Variants in PHYKPL observed in about 807,000 individuals in gnomAD.
PHYKPL encodes the protein 5-phosphohydroxy-L-lysine phospho-lyase.
Under a neutral mutation model 51.3 loss-of-function variants are expected in PHYKPL, and 42 were observed. The observed-to-expected ratio is 0.82, with a 90% CI of 0.64 to 1.06. PHYKPL has a LOEUF of 1.06. PHYKPL is among the 50% of genes least tolerant of loss of function. The probability of loss-of-function intolerance (pLI) is 0.00; values close to 1 mark genes in which losing one functional copy is unlikely to be tolerated. For missense variants in PHYKPL, 655 were observed against 586.6 expected (o/e 1.12, Z -1.20); for synonymous variants, 264 against 236.0 (o/e 1.12, Z -1.09).
At chr5:178,230,904 C>CT (rs1307302417) in intron 2 of PHYKPL, 4 of 155,886 alleles carry the variant, frequency 2.6e-5, no homozygotes, top group African/African-American at 7.3e-5. Flanking sequence ...CCCAAGCAGT[C>CT]TAAGACTAGA....
intron 12 of PHYKPL, chr5:178,211,219 G>GT (rs1758252894): frequency 1.6e-5 from 2 of 122,716 alleles, no homozygotes; most frequent in African/African-American, 6.2e-5. Flanking sequence ...GTCGAGGGAG[G>GT]CGGGGGGGGG....
rs199708590 is a variant in PHYKPL, at chr5:178,230,036, T to C, written c.242A>G (p.Asn81Ser). Residue 81 changes from asparagine (N) to serine (S), a missense_variant, in exon 3 of 13, where the codon AAC (asparagine) becomes AGC (serine). Coordinates refer to ENST00000308158, the MANE Select transcript of PHYKPL (RefSeq NM_153373.4). ...AHEQNQVLNTNSRYLHDNIVD... is the reference protein window; with the variant it reads ...AHEQNQVLNTSSRYLHDNIVD... ...GATGTTGTCATGCAGGTACCGGCTG[T>C]TGGTGTTGAGCACCTGGTTCTGCTC... 1.9e-6 allele frequency: 3 copies of C among 1,613,544 alleles called. No homozygotes were observed. The highest frequency in any genetic ancestry group is 2.2e-5 in the South Asian group (2 of 91,086).
intron 3 of PHYKPL, among the ~76,000 whole-genome samples, chr5:178,227,717 A>G (rs1762569753): frequency 6.6e-6 from 1 of 152,198 alleles, no homozygotes; most frequent in Admixed American, 6.5e-5. Flanking sequence ...GAGAAAAGGG[A>G]CATAAGTCAG....
At chr5:178,212,190 C>T (rs1186456520) in intron 11 of PHYKPL, among the ~76,000 whole-genome samples, 3 of 152,248 alleles carry the variant, frequency 2.0e-5, no homozygotes, top group Non-Finnish European at 2.9e-5. Flanking sequence ...ATCCCTAAGC[C>T]TGTTCTGTGG....
chr5:178,219,002 T>C (rs1272859479), intron 8 of PHYKPL, among the ~76,000 whole-genome samples: 1 of 152,184 alleles, frequency 6.6e-6, no homozygotes, highest in Non-Finnish European at 1.5e-5. Context: ...TAGTATGACA[T>C]GCACAAAGGA....
In PHYKPL at chr5:178,213,049, C is replaced by G. The variant is rs777670861; in HGVS notation, c.1227G>C (p.Leu409=). Residue 409 remains leucine (L), a synonymous_variant, in exon 11 of 13, where the codon CTG becomes CTC. Coordinates refer to ENST00000308158, the MANE Select transcript of PHYKPL (RefSeq NM_153373.4). ...LSTDGPGRNI[L]KFKPPMCFSL... ...TGAAGCACATTGGGGGCTTAAACTT[C>G]AGGATGTTCCTCCCAGGGCCATCAG... 6.2e-7 allele frequency: 1 copy of G among 1,614,120 alleles called. No individual in the cohort carries two copies. Among genetic ancestry groups the G allele is most frequent in the East Asian group, 2.2e-5 (1 of 44,908 alleles).
At position 178,230,010 on chromosome 5, in the gene PHYKPL, C is replaced by T. The variant is rs756247782; in HGVS notation, c.268G>A (p.Val90Met). ...TNSRYLHDNI[V>M]DYAQRLSETL... Reference sequence around the variant, plus strand: ...TCTGACAGCCTCTGCGCATAGTCCACGATGTTGTCATGCAGGTACCGGCTG... The same window carrying T: ...TCTGACAGCCTCTGCGCATAGTCCATGATGTTGTCATGCAGGTACCGGCTG... Residue 90 changes from valine to methionine, a missense_variant, in exon 3 of 13, where the codon GTG becomes ATG. Val to Met is a conservative substitution (Grantham distance 21, BLOSUM62 1). Transcript: ENST00000308158. 14 of 1,614,100 alleles carry T rather than the reference C, an allele frequency of 8.7e-6. No individual in the cohort carries two copies. The African/African-American group carries it at 1.3e-4, about 15-fold the overall frequency.
In PHYKPL at chr5:178,209,429, G is replaced by C. The variant is rs1757477067; in HGVS notation, c.*32-514C>G. ...CAACCGAGGGAACCGAGGCAGCGGA[G>C]GTGGTGGTGGAGGTGGAGGTGAGTG... On this transcript the variant is annotated intron_variant, in intron 12 of 12. Coordinates refer to ENST00000308158, the MANE Select transcript of PHYKPL (RefSeq NM_153373.4). 1.2e-6 allele frequency: 2 copies of C among 1,613,866 alleles called. No individual in the cohort carries two copies. Among genetic ancestry groups the C allele is most frequent in the Admixed American group, 1.7e-5 (1 of 59,988 alleles).
chr5:178,224,509 G>A lies in PHYKPL; in HGVS notation c.557C>T (p.Ala186Val), dbSNP rs1761888782. 6.2e-7 allele frequency: 1 copy of A among 1,613,522 alleles called. No homozygotes were observed. The highest frequency in any genetic ancestry group is 1.3e-5 in the African/African-American group (1 of 74,954). ...TTTCACCTCGTTGGCATAGGCCATA[G>A]CTGGGTTGGGGTGGTCCTCCCGGTA... ...GPYREDHPNP[A>V]MAYANEVKRV... Residue 186 changes from alanine to valine, a missense_variant, in exon 6 of 13, where the codon GCT (alanine) becomes GTT (valine). Coordinates refer to ENST00000308158, the MANE Select transcript of PHYKPL (RefSeq NM_153373.4).
At chr5:178,221,123 T>A (rs1391369281) in intron 8 of PHYKPL, among the ~76,000 whole-genome samples, 1 of 152,198 alleles carries the variant, frequency 6.6e-6, no homozygotes. Context: ...GTTAACTGAA[T>A]AACTAGAAGA....
intron 8 of PHYKPL, 185 bp from the exon 9 acceptor site, chr5:178,215,615 T>C (rs1178226843): frequency 2.4e-5 from 15 of 636,552 alleles, no homozygotes; most frequent in Non-Finnish European, 3.9e-5. Flanking sequence ...TGTCCTGGCT[T>C]TCCAGGAGCT....
At chr5:178,210,314 C>A in intron 12 of PHYKPL, 1 of 1,613,250 alleles carries the variant, frequency 6.2e-7, no homozygotes, top group Non-Finnish European at 8.5e-7. Context: ...CACCCCTCGT[C>A]CCCAGGGGAG....
In PHYKPL at chr5:178,229,977, G is replaced by C; in HGVS notation, c.301C>G (p.Pro101Ala). The C allele has an allele frequency of 6.2e-7, 1 of 1,614,196 alleles. No individual in the cohort carries two copies. The highest frequency in any genetic ancestry group is 8.5e-7 in the Non-Finnish European group (1 of 1,180,030). The change falls in exon 3 of 13, where the codon CCG becomes GCG. Residue 101 changes from proline (P) to alanine (A), a missense_variant. Physicochemically the swap from Pro to Ala is conservative, Grantham distance 27. Transcript: ENST00000308158. ...AAATAGAACACACAGAGCTGCTCCG[G>C]CAGGGTCTCTGACAGCCTCTGCGCA... ...DYAQRLSETL[P>A]EQLCVFYFLN...
chr5:178,232,277 G>A, intron 1 of PHYKPL: 13 of 1,241,198 alleles, frequency 1.0e-5, no homozygotes, highest in Non-Finnish European at 1.3e-5. Flanking sequence ...TGTCGGGGAG[G>A]CGGCCCCGGA....
chr5:178,213,170 T>G, intron 10 of PHYKPL, 67 bp from the exon 11 acceptor site: 3 of 1,583,312 alleles, frequency 1.9e-6, no homozygotes, highest in African/African-American at 1.3e-5. Flanking sequence ...TGGCCTCATG[T>G]CCAGTGCTCC....
Position 178,222,275 on chromosome 5 carries a change from C to G in PHYKPL, c.927+80G>C, listed in dbSNP as rs190245979. On this transcript the variant is annotated intron_variant, in intron 8 of 12. Transcript: ENST00000308158. ...CTGGGCACAGTGCTAGCCCTGTAGC[C>G]TTTGCTGACTAAGGACAGGCTGATC... 1.6e-5 allele frequency: 21 copies of G among 1,302,672 alleles called. No individual in the cohort carries two copies. The East Asian group carries it at 4.0e-4, about 25-fold the overall frequency. The allele number at this position is 1,302,672 out of a possible 1,614,324, so 80.7% of individuals were successfully genotyped here.
chr5:178,223,946 C>T (rs1761737674), intron 6 of PHYKPL: 1 of 192,518 alleles, frequency 5.2e-6, no homozygotes, highest in South Asian at 9.1e-5. Flanking sequence ...CCACATAGCC[C>T]TGGAGTCAGA....
rs77979300 is a variant in PHYKPL, at chr5:178,214,428, A to C, written c.1172+368T>G. Reference sequence around the variant, plus strand: ...AGTGCTGCCACAGCTCCCTGGTATGAATAGAGAAGGTGTTTCCCTTCTCCA... The same window carrying C: ...AGTGCTGCCACAGCTCCCTGGTATGCATAGAGAAGGTGTTTCCCTTCTCCA... On this transcript the variant is annotated intron_variant, in intron 10 of 12. Transcript: ENST00000308158. 7.8e-3 allele frequency among the ~76,000 whole-genome samples: 1,186 copies of C among 152,274 alleles called. 19 individuals are homozygous for C. Among genetic ancestry groups the C allele is most frequent in the African/African-American group, 0.027 (1,136 of 41,546 alleles).
At position 178,222,768 on chromosome 5, in the gene PHYKPL, G is replaced by A. The variant is rs1366622289; in HGVS notation, c.701+84C>T. 61 of 1,493,414 alleles carry A rather than the reference G, an allele frequency of 4.1e-5. 1 individual carries two copies. The highest frequency in any genetic ancestry group is 5.5e-5 in the Non-Finnish European group (60 of 1,085,138). The allele number at this position is 1,493,414 out of a possible 1,614,324, so 92.5% of individuals were successfully genotyped here. A position where few individuals can be genotyped will look rare whatever the true frequency, so the allele number is the denominator to read the frequency against. On this transcript the variant is annotated intron_variant, in intron 7 of 12. Coordinates refer to ENST00000308158, the MANE Select transcript of PHYKPL (RefSeq NM_153373.4). ...CTCAAAATTCTGGCAGTCAGGACAG[G>A]CTGAGGTTGGGATTTGGACCAGAGG... is the stretch of plus-strand genomic sequence containing the variant.
Sources: allele counts gnomAD v4.1 joint callset (sites outside exome capture counted in the v4.1 genomes callset), GRCh38; gene constraint gnomAD v4.1.1; transcripts MANE v1.5; gene names NCBI Gene and HGNC (gene_info 2026-07-23, HGNC 2026-07-21).